Variants in ASCC1 observed in about 807,000 individuals in gnomAD.
ASCC1 encodes activating signal cointegrator 1 complex subunit 1.
A neutral mutation model predicts 46.6 loss-of-function variants in ASCC1; 35 were observed. That is an observed-to-expected ratio of 0.75 (90% CI 0.57 to 0.99). The LOEUF is 0.99. ASCC1 is among the 50% of genes least tolerant of loss of function. The pLI, the probability that ASCC1 is intolerant of heterozygous loss-of-function variation, is 0.00. For synonymous variants in ASCC1, 143 were observed against 146.6 expected (o/e 0.98, Z 0.18); for missense variants, 376 against 428.7 (o/e 0.88, Z 1.09).
intron 9 of ASCC1, among the ~76,000 whole-genome samples, chr10:72,105,453 C>A (rs1842243345): frequency 6.6e-6 from 1 of 152,224 alleles, no homozygotes; most frequent in African/African-American, 2.4e-5. Flanking sequence ...ATAAATGGGG[C>A]ACCCCCGTCA....
At position 72,154,871 on chromosome 10, in the gene ASCC1, A is replaced by G. The variant is rs1166060096; in HGVS notation, c.627-1883T>C. On this transcript the variant is annotated intron_variant, in intron 6 of 9. Coordinates refer to ENST00000672957, the MANE Select transcript of ASCC1 (RefSeq NM_001198800.3). ...GGCAACAGACTAAAAGTCAAATAAC[A>G]TGGTACTGATTAGATAAATTATAAT... is the stretch of plus-strand genomic sequence containing the variant. Among the ~76,000 whole-genome samples the G allele has an allele frequency of 3.3e-5, 5 of 152,208 alleles. No individual in the cohort carries two copies. In the East Asian group the frequency reaches 9.6e-4, roughly 29 times the overall value.
chr10:72,116,078 G>A lies in ASCC1; in HGVS notation c.957+12004C>T, dbSNP rs143833098. ...TCTGGAAGGTGCTATATAAACACACGTACACCCCAAATGGTTAAGTGTCCT... is the reference window on the plus strand; with the variant it reads ...TCTGGAAGGTGCTATATAAACACACATACACCCCAAATGGTTAAGTGTCCT... On this transcript the variant is annotated intron_variant, in intron 9 of 9. Coordinates refer to ENST00000672957, the MANE Select transcript of ASCC1 (RefSeq NM_001198800.3). Among the ~76,000 whole-genome samples, 11 of 152,216 alleles carry A rather than the reference G, an allele frequency of 7.2e-5. No individual in the cohort carries two copies. In the East Asian group the frequency reaches 7.7e-4, roughly 11 times the overall value.
chr10:72,123,835 C>A (rs1464166502), intron 9 of ASCC1, among the ~76,000 whole-genome samples: 1 of 152,144 alleles, frequency 6.6e-6, no homozygotes, highest in South Asian at 2.1e-4. Context: ...GGGAGGCAGG[C>A]TCCACTCTTT....
intron 9 of ASCC1, among the ~76,000 whole-genome samples, chr10:72,111,698 A>G (rs1842935292): frequency 6.6e-6 from 1 of 151,976 alleles, no homozygotes; most frequent in Non-Finnish European, 1.5e-5. Flanking sequence ...CTGGAGTGCA[A>G]TGGTGCGATC....
chr10:72,099,253 C>T (rs1393108433), intron 9 of ASCC1, among the ~76,000 whole-genome samples: 1 of 152,154 alleles, frequency 6.6e-6, no homozygotes, highest in Admixed American at 6.5e-5. Flanking sequence ...ATGAATCTGC[C>T]AGGGATATTC....
In ASCC1 at chr10:72,096,499, G is replaced by A; in HGVS notation, c.*835C>T. The A allele has an allele frequency of 4.4e-6, 2 of 454,124 alleles. No homozygotes were observed. The highest frequency in any genetic ancestry group is 1.6e-5 in the South Asian group (1 of 64,474). 28.1% of individuals were successfully genotyped at this position (454,124 alleles called of 1,614,324 possible). A position where few individuals can be genotyped will look rare whatever the true frequency, so the allele number is the denominator to read the frequency against. On this transcript the variant is annotated 3_prime_UTR_variant, in exon 10 of 10. Coordinates refer to ENST00000672957, the MANE Select transcript of ASCC1 (RefSeq NM_001198800.3). ...ATATTAAGAGGACAAACTTTGGTAG[G>A]AAAATGATAGACCAAGCAAAGTAAA...
chr10:72,166,864 C>T (rs935868744), intron 5 of ASCC1, among the ~76,000 whole-genome samples: 5 of 152,042 alleles, frequency 3.3e-5, no homozygotes, highest in Admixed American at 6.6e-5. Flanking sequence ...ATTAAAGAAA[C>T]GCAAATCAAA....
intron 8 of ASCC1, among the ~76,000 whole-genome samples, chr10:72,129,842 G>A (rs1049576592): frequency 6.6e-6 from 1 of 151,516 alleles, no homozygotes; most frequent in Admixed American, 6.6e-5. Flanking sequence ...TTAGCTGGGT[G>A]TAGTGGCATG....
At chr10:72,177,161 T>A (rs1475003967) in intron 5 of ASCC1, among the ~76,000 whole-genome samples, 2 of 152,158 alleles carry the variant, frequency 1.3e-5, no homozygotes, top group South Asian at 4.1e-4. Context: ...AAAAACCTGT[T>A]CAAAACTAGT....
intron 5 of ASCC1, among the ~76,000 whole-genome samples, chr10:72,183,805 A>G (rs1347895616): frequency 1.3e-5 from 2 of 152,180 alleles, no homozygotes; most frequent in Admixed American, 6.5e-5. Context: ...AAATTTTTCA[A>G]ACAAATAAAA....
chr10:72,204,777 A>C (rs905164001), intron 3 of ASCC1, among the ~76,000 whole-genome samples: 1 of 152,182 alleles, frequency 6.6e-6, no homozygotes, highest in Non-Finnish European at 1.5e-5. Context: ...GTAATTTCCA[A>C]GTGGTTTTCC....
chr10:72,184,598 C>T (rs866761800), intron 5 of ASCC1, among the ~76,000 whole-genome samples: 12 of 151,812 alleles, frequency 7.9e-5, no homozygotes, highest in Non-Finnish European at 1.3e-4. Flanking sequence ...AGGATCTTAT[C>T]AAGAAGGTGT....
intron 5 of ASCC1, among the ~76,000 whole-genome samples, chr10:72,177,056 T>G (rs377614929): frequency 6.6e-4 from 100 of 152,102 alleles, no homozygotes; most frequent in Middle Eastern, 3.4e-3. Context: ...TCCTTAAGAG[T>G]AGAGTCCATT....
intron 6 of ASCC1, among the ~76,000 whole-genome samples, chr10:72,154,665 T>C (rs1262893276): frequency 6.6e-6 from 1 of 152,162 alleles, no homozygotes; most frequent in African/African-American, 2.4e-5. Context: ...CTAATTTTTA[T>C]ACTTTTAGTA....
chr10:72,179,329 T>G (rs1852263056), intron 5 of ASCC1, among the ~76,000 whole-genome samples: 2 of 152,174 alleles, frequency 1.3e-5, no homozygotes, highest in South Asian at 4.1e-4. Flanking sequence ...CCTCAAATAC[T>G]GTCCAAATTA....
chr10:72,194,795 G>A (rs1459860892), intron 5 of ASCC1, among the ~76,000 whole-genome samples: 1 of 150,928 alleles, frequency 6.6e-6, no homozygotes, highest in Non-Finnish European at 1.5e-5. Context: ...CAGGCTGGAG[G>A]GCAAAGGTGC....
chr10:72,110,607 T>C (rs1842822002), intron 9 of ASCC1, among the ~76,000 whole-genome samples: 1 of 151,912 alleles, frequency 6.6e-6, no homozygotes, highest in South Asian at 2.1e-4. Context: ...ACCAACATGG[T>C]GAAACCCCGT....
At chr10:72,103,167 C>T (rs945465501) in intron 9 of ASCC1, among the ~76,000 whole-genome samples, 1 of 151,202 alleles carries the variant, frequency 6.6e-6, no homozygotes, top group Non-Finnish European at 1.5e-5. Context: ...GAGTCTTGCT[C>T]TGTCGCCCAG....
chr10:72,113,437 A>C, intron 9 of ASCC1, among the ~76,000 whole-genome samples: 1 of 152,232 alleles, frequency 6.6e-6, no homozygotes, highest in Non-Finnish European at 1.5e-5. Context: ...TTCTGCCAAA[A>C]ATCAGTCAAT....
Sources: gnomAD v4.1 joint callset for allele counts (sites outside exome capture counted in the v4.1 genomes callset) on GRCh38, gnomAD v4.1.1 for gene constraint, MANE v1.5 for transcripts, NCBI Gene and HGNC (gene_info 2026-07-23, HGNC 2026-07-21) for gene names.